BBS9: variants seen among roughly 807,000 people sequenced by gnomAD.
BBS9 encodes the protein protein PTHB1.
Under a neutral mutation model 117.7 loss-of-function variants are expected in BBS9, and 89 were observed. The ratio of observed to expected loss-of-function variants is 0.76; its 90% CI spans 0.64 to 0.90. BBS9 has a LOEUF of 0.90. Ranked by LOEUF, BBS9 falls within the 40% of genes least tolerant of loss-of-function variation. The pLI, the probability that BBS9 is intolerant of heterozygous loss-of-function variation, is 0.00. For synonymous variants in BBS9, 379 were observed against 370.9 expected (o/e 1.02, Z -0.25); for missense variants, 982 against 1,042.2 (o/e 0.94, Z 0.80).
chr7:33,512,671 TG>T (rs1219422662), intron 20 of BBS9, among the ~76,000 whole-genome samples: 1 of 152,194 alleles, frequency 6.6e-6, no homozygotes, highest in Non-Finnish European at 1.5e-5. Flanking sequence ...TACAAAGAGA[TG>T]ATTTTGACCT....
Position 33,420,952 on chromosome 7 carries a change from C to T in BBS9, c.2115+32808C>T, listed in dbSNP as rs576130408. On this transcript the variant is annotated intron_variant, in intron 19 of 22. Transcript: ENST00000242067. ...GGCCACTATTCTTTTCCATTGCATC[C>T]GTATCATCGAGGCCTCTCTAGACAC... Among the ~76,000 whole-genome samples the T allele has an allele frequency of 1.1e-3, 171 of 152,262 alleles. 2 individuals carry two copies. Among genetic ancestry groups the T allele is most frequent in the Middle Eastern group, 3.4e-3 (1 of 294 alleles).
intron 19 of BBS9, among the ~76,000 whole-genome samples, chr7:33,487,035 C>T (rs1843208358): frequency 6.6e-6 from 1 of 152,132 alleles, no homozygotes. Context: ...AATTGGAATT[C>T]AATGCCAGTA....
intron 21 of BBS9, among the ~76,000 whole-genome samples, chr7:33,597,064 C>G (rs935568806): frequency 1.5e-5 from 2 of 134,030 alleles, no homozygotes; most frequent in East Asian, 2.3e-4. Context: ...CTCTCTCTCT[C>G]TCTGTCACAC....
chr7:33,255,872 C>A (rs1796961307), intron 5 of BBS9, among the ~76,000 whole-genome samples: 1 of 152,082 alleles, frequency 6.6e-6, no homozygotes, highest in Admixed American at 6.5e-5. Context: ...AAAAACAAAG[C>A]TTAGGCTGGG....
At chr7:33,490,894 C>G (rs1290899255) in intron 19 of BBS9, among the ~76,000 whole-genome samples, 1 of 152,166 alleles carries the variant, frequency 6.6e-6, no homozygotes, top group Admixed American at 6.5e-5. Flanking sequence ...TGGACAGTGA[C>G]AGAACATGGG....
At chr7:33,574,560 T>C (rs1358504745) in intron 21 of BBS9, among the ~76,000 whole-genome samples, 2 of 152,016 alleles carry the variant, frequency 1.3e-5, no homozygotes, top group African/African-American at 4.8e-5. Context: ...CCTGATGTCT[T>C]TTATTTTTTT....
intron 6 of BBS9, among the ~76,000 whole-genome samples, chr7:33,259,616 C>G (rs986525336): frequency 1.3e-5 from 2 of 151,960 alleles, no homozygotes; most frequent in Non-Finnish European, 2.9e-5. Flanking sequence ...CTTAAGTGAA[C>G]CTTCTGCCTT....
intron 5 of BBS9, among the ~76,000 whole-genome samples, chr7:33,230,234 A>G (rs191862113): frequency 1.3e-5 from 2 of 152,168 alleles, no homozygotes; most frequent in African/African-American, 2.4e-5. Context: ...CCTTTGCTGT[A>G]TAGAAGCTTT....
chr7:33,335,892 G>A (rs1815252505), intron 9 of BBS9, among the ~76,000 whole-genome samples: 1 of 152,078 alleles, frequency 6.6e-6, no homozygotes, highest in African/African-American at 2.4e-5. Context: ...TGAATCCTAA[G>A]GGTAGAGAGG....
chr7:33,352,833 A>G, intron 14 of BBS9, 26 bp from the exon 15 acceptor site: 2 of 1,611,178 alleles, frequency 1.2e-6, no homozygotes, highest in Non-Finnish European at 1.7e-6. Flanking sequence ...CCCCCTACCC[A>G]TTTTTGCATT....
chr7:33,492,811 A>AGAGT (rs779723867), intron 19 of BBS9, among the ~76,000 whole-genome samples: 98 of 131,662 alleles, frequency 7.4e-4, no homozygotes, highest in African/African-American at 2.8e-3. Flanking sequence ...TATAGGAGTG[A>AGAGT]GTGTGTGTGT....
intron 5 of BBS9, among the ~76,000 whole-genome samples, chr7:33,191,718 AGTG>A (rs1784149422): frequency 1.3e-5 from 2 of 152,210 alleles, no homozygotes; most frequent in African/African-American, 4.8e-5. Flanking sequence ...AATTTAATTG[AGTG>A]CTTTGCAAAA....
intron 4 of BBS9, among the ~76,000 whole-genome samples, chr7:33,166,166 A>G (rs1795649358): frequency 6.6e-6 from 1 of 152,236 alleles, no homozygotes; most frequent in African/African-American, 2.4e-5. Context: ...TCAGCAGCAG[A>G]GGCTGCAGAA....
At chr7:33,384,824 GT>G (rs1584594950) in intron 18 of BBS9, among the ~76,000 whole-genome samples, 2 of 152,014 alleles carry the variant, frequency 1.3e-5, no homozygotes, top group African/African-American at 4.8e-5. Context: ...CTTTAATGTA[GT>G]GTGAACATAA....
At chr7:33,315,144 A>G (rs901325851) in intron 9 of BBS9, among the ~76,000 whole-genome samples, 2 of 152,160 alleles carry the variant, frequency 1.3e-5, no homozygotes, top group Admixed American at 6.6e-5. Flanking sequence ...AAAACAACAG[A>G]AATTTATTCT....
intron 15 of BBS9, among the ~76,000 whole-genome samples, chr7:33,354,367 G>A (rs1223400273): frequency 6.6e-6 from 1 of 152,128 alleles, no homozygotes; most frequent in Non-Finnish European, 1.5e-5. Context: ...TGGAAAAAGA[G>A]AGGCAAACGA....
At chr7:33,395,333 TTCTC>T in intron 19 of BBS9, among the ~76,000 whole-genome samples, 1 of 152,298 alleles carries the variant, frequency 6.6e-6, no homozygotes, top group East Asian at 1.9e-4. Flanking sequence ...GCCAAATAAA[TTCTC>T]TATTTTATTA....
At chr7:33,289,466 TTTTTC>T (rs1803569227) in intron 9 of BBS9, among the ~76,000 whole-genome samples, 1 of 152,208 alleles carries the variant, frequency 6.6e-6, no homozygotes, top group African/African-American at 2.4e-5. Flanking sequence ...GTAAAAGTGT[TTTTTC>T]TTTTTATTTG....
At chr7:33,412,218 A>T (rs572512090) in intron 19 of BBS9, among the ~76,000 whole-genome samples, 1 of 152,328 alleles carries the variant, frequency 6.6e-6, no homozygotes, top group Non-Finnish European at 1.5e-5. Flanking sequence ...CAAACTATTT[A>T]GCAGGTAAAT....
Sources: gnomAD v4.1 joint callset for allele counts (sites outside exome capture counted in the v4.1 genomes callset) on GRCh38, gnomAD v4.1.1 for gene constraint, MANE v1.5 for transcripts, NCBI Gene and HGNC (gene_info 2026-07-23, HGNC 2026-07-21) for gene names.